INPP4B: variants seen among roughly 807,000 people sequenced by gnomAD.
INPP4B encodes inositol polyphosphate-4-phosphatase type II B.
In INPP4B, 55 loss-of-function variants were observed where a neutral mutation model predicts 122.5. The observed-to-expected ratio is 0.45, with a 90% CI of 0.36 to 0.56. The LOEUF is 0.56. Ranked by LOEUF, INPP4B falls within the 20% of genes least tolerant of loss-of-function variation. INPP4B has a pLI of 0.00. For synonymous variants in INPP4B, 403 were observed against 388.7 expected, an observed-to-expected ratio of 1.04 and a Z score of -0.43; for missense variants, 1,000 against 1,097.7, an observed-to-expected ratio of 0.91 and a Z score of 1.26.
intron 2 of INPP4B, among the ~76,000 whole-genome samples, chr4:142,560,166 A>G (rs896150594): frequency 1.3e-5 from 2 of 152,124 alleles, no homozygotes; most frequent in African/African-American, 4.8e-5. Flanking sequence ...CTATAGTGAG[A>G]TCTAATCCTC....
intron 2 of INPP4B, among the ~76,000 whole-genome samples, chr4:142,611,048 A>C (rs1742385286): frequency 6.6e-6 from 1 of 152,340 alleles, no homozygotes; most frequent in East Asian, 1.9e-4. Flanking sequence ...ATATACAGAA[A>C]GAATGATGCT....
At chr4:142,795,091 T>G (rs578216389) in intron 1 of INPP4B, 2 of 152,026 alleles carry the variant, frequency 1.3e-5, no homozygotes, top group South Asian at 4.2e-4. Context: ...TGTTTAGAAA[T>G]GAATAACTAC....
chr4:142,834,181 G>C lies in INPP4B; in HGVS notation c.-254+12028C>G, dbSNP rs535502374. 1.8e-4 allele frequency among the ~76,000 whole-genome samples: 27 copies of C among 152,076 alleles called. No individual in the cohort carries two copies. In the East Asian group the frequency reaches 2.9e-3, roughly 16 times the overall value. Reference sequence around the variant, plus strand: ...TGTAAGCCATCTCAAATCATTTTTGGAAGTATGCAGGGAATAAATTATGAA... The same window carrying C: ...TGTAAGCCATCTCAAATCATTTTTGCAAGTATGCAGGGAATAAATTATGAA... On this transcript the variant is annotated intron_variant, in intron 1 of 25. Coordinates refer to ENST00000262992, the MANE Select transcript of INPP4B (RefSeq NM_001101669.3).
At chr4:142,048,164 A>G (rs1560935134) in intron 25 of INPP4B, among the ~76,000 whole-genome samples, 1 of 152,090 alleles carries the variant, frequency 6.6e-6, no homozygotes, top group Non-Finnish European at 1.5e-5. Context: ...CTCACTGGTA[A>G]CATGAAGTAG....
intron 7 of INPP4B, among the ~76,000 whole-genome samples, chr4:142,361,793 ATAT>A (rs753891468): frequency 5.3e-5 from 8 of 151,884 alleles, no homozygotes; most frequent in African/African-American, 1.7e-4. Flanking sequence ...TATTATCACA[ATAT>A]TATATATATG....
At chr4:142,424,477 G>A (rs1807599709) in intron 5 of INPP4B, among the ~76,000 whole-genome samples, 1 of 151,918 alleles carries the variant, frequency 6.6e-6, no homozygotes, top group African/African-American at 2.4e-5. Context: ...CTACCAACTG[G>A]TGAGAACCAT....
At chr4:142,490,541 A>G (rs1460115737) in intron 2 of INPP4B, among the ~76,000 whole-genome samples, 1 of 152,144 alleles carries the variant, frequency 6.6e-6, no homozygotes, top group Non-Finnish European at 1.5e-5. Context: ...CCATTACCTC[A>G]TAATTATCAT....
chr4:142,427,490 G>A (rs753058397), intron 5 of INPP4B: 2 of 671,272 alleles, frequency 3.0e-6, no homozygotes, highest in African/African-American at 1.8e-5. Context: ...GGAAATATAA[G>A]TGATGATGGT....
At chr4:142,581,465 T>C (rs957190208) in intron 2 of INPP4B, among the ~76,000 whole-genome samples, 1 of 151,122 alleles carries the variant, frequency 6.6e-6, no homozygotes, top group Non-Finnish European at 1.5e-5. Context: ...TCATGAACTT[T>C]GGAAATAGAT....
At chr4:142,530,386 T>C (rs1827449175) in intron 2 of INPP4B, among the ~76,000 whole-genome samples, 1 of 151,948 alleles carries the variant, frequency 6.6e-6, no homozygotes, top group Non-Finnish European at 1.5e-5. Context: ...CTGTGAGGTA[T>C]GAGACACTAT....
chr4:142,365,024 A>C (rs1478665922), intron 7 of INPP4B, among the ~76,000 whole-genome samples: 1 of 152,148 alleles, frequency 6.6e-6, no homozygotes, highest in Non-Finnish European at 1.5e-5. Flanking sequence ...GAATAGGAGG[A>C]GTAGACAAAA....
chr4:142,326,644 A>G (rs1252287518), intron 7 of INPP4B, among the ~76,000 whole-genome samples: 1 of 152,202 alleles, frequency 6.6e-6, no homozygotes, highest in Non-Finnish European at 1.5e-5. Context: ...GAGAATCATT[A>G]TGCTCGATCC....
intron 25 of INPP4B, among the ~76,000 whole-genome samples, chr4:142,068,914 A>C (rs1391538763): frequency 6.6e-6 from 1 of 151,544 alleles, no homozygotes. Flanking sequence ...TCAACATTAG[A>C]CAGATCAACA....
At chr4:142,723,231 A>G (rs1231356631) in intron 2 of INPP4B, among the ~76,000 whole-genome samples, 5 of 152,124 alleles carry the variant, frequency 3.3e-5, no homozygotes, top group African/African-American at 4.8e-5. Context: ...TGCTATTTCA[A>G]TTTCCTCCAG....
intron 2 of INPP4B, among the ~76,000 whole-genome samples, chr4:142,593,932 T>C (rs1052533533): frequency 2.0e-5 from 3 of 152,176 alleles, no homozygotes; most frequent in African/African-American, 7.2e-5. Flanking sequence ...CTATTTGTTT[T>C]ATTGCTTATT....
intron 2 of INPP4B, among the ~76,000 whole-genome samples, chr4:142,670,545 C>T (rs1279633597): frequency 6.6e-6 from 1 of 151,428 alleles, no homozygotes; most frequent in African/African-American, 2.4e-5. Context: ...ATAAGTCAGG[C>T]ACAAAAAAAA....
intron 3 of INPP4B, among the ~76,000 whole-genome samples, chr4:142,454,580 G>C (rs1814991679): frequency 2.0e-5 from 3 of 152,010 alleles, no homozygotes; most frequent in South Asian, 4.2e-4. Context: ...TGCTCATCTG[G>C]ATCCGTCATG....
chr4:142,437,411 G>T (rs1906872), intron 3 of INPP4B, among the ~76,000 whole-genome samples: 3 of 151,972 alleles, frequency 2.0e-5, no homozygotes, highest in Middle Eastern at 3.4e-3. Context: ...ACAAAGAACC[G>T]CACTAAGATA....
chr4:142,229,364 A>T (rs1345534783), intron 12 of INPP4B, among the ~76,000 whole-genome samples: 1 of 152,156 alleles, frequency 6.6e-6, no homozygotes, highest in Admixed American at 6.5e-5. Context: ...TTAGATTCCT[A>T]TATAAAATAT....
Sources: allele counts gnomAD v4.1 joint callset (sites outside exome capture counted in the v4.1 genomes callset), GRCh38; gene constraint gnomAD v4.1.1; transcripts MANE v1.5; gene names NCBI Gene and HGNC (gene_info 2026-07-23, HGNC 2026-07-21).